LRP8: variants seen among roughly 807,000 people sequenced by gnomAD.
LRP8 encodes the protein LDL receptor related protein 8.
In LRP8, 46 loss-of-function variants were observed where a neutral mutation model predicts 111.6. That is an observed-to-expected ratio of 0.41 (90% CI 0.33 to 0.53). The LOEUF is 0.53. Among genes scored for constraint, LRP8 ranks in the 20% least tolerant of loss-of-function variants. The pLI, the probability that LRP8 is intolerant of heterozygous loss-of-function variation, is 0.20. For synonymous variants in LRP8, 464 were observed against 511.2 expected, an observed-to-expected ratio of 0.91 and a Z score of 1.24; for missense variants, 959 against 1,297.4, an observed-to-expected ratio of 0.74 and a Z score of 4.01.
Position 53,276,691 on chromosome 1 carries a change from C to G in LRP8, c.883+1G>C. 6.5e-7 allele frequency: 1 copy of G among 1,538,038 alleles called. No homozygotes were observed. Among genetic ancestry groups the G allele is most frequent in the Non-Finnish European group, 8.7e-7 (1 of 1,146,098 alleles). ...GGCTGGGCGGTATGGAGGGGGCTTA[C>G]GGCAGTCGGCCTCGTCCGATTTGTC... is the stretch of plus-strand genomic sequence containing the variant. On this transcript the variant is annotated splice_donor_variant, in intron 5 of 18. Transcript: ENST00000306052. LOFTEE classifies it high-confidence loss of function.
chr1:53,305,597 C>T (rs1290397191), intron 2 of LRP8, among the ~76,000 whole-genome samples: 4 of 152,240 alleles, frequency 2.6e-5, no homozygotes, highest in Admixed American at 1.3e-4. Context: ...TGGCAGCCAG[C>T]GGGGCTCACA....
rs1654003316 is a variant in LRP8, at chr1:53,317,811, T to C, written c.244+9062A>G. On this transcript the variant is annotated intron_variant, in intron 2 of 18. Coordinates refer to ENST00000306052, the MANE Select transcript of LRP8 (RefSeq NM_004631.5). This position sits in a 1 kb window ranked among gnomAD's most constrained non-coding sequence, Gnocchi z 4.9. The stretch of plus-strand genomic sequence containing the variant: ...CATCACTGCACTGCATCCGGCCCAA[T>C]TGTGAGTGCAGGAAGAAGGCAGAAG... 6.6e-6 allele frequency among the ~76,000 whole-genome samples: 1 copy of C among 152,066 alleles called. No homozygotes were observed. The highest frequency in any genetic ancestry group is 1.5e-5 in the Non-Finnish European group (1 of 68,012).
chr1:53,326,202 T>G (rs562407376), intron 2 of LRP8, among the ~76,000 whole-genome samples: 1 of 152,338 alleles, frequency 6.6e-6, no homozygotes, highest in African/African-American at 2.4e-5. Flanking sequence ...AGGTCTTCAC[T>G]GTGACTCGGC....
intron 2 of LRP8, among the ~76,000 whole-genome samples, chr1:53,301,188 C>T (rs1020995770): frequency 2.0e-5 from 3 of 152,084 alleles, no homozygotes; most frequent in East Asian, 1.9e-4. Flanking sequence ...TGAGAACCTT[C>T]GGCTCAGAGG....
chr1:53,320,498 G>A (rs1654372305), intron 2 of LRP8, among the ~76,000 whole-genome samples: 1 of 152,176 alleles, frequency 6.6e-6, no homozygotes, highest in Admixed American at 6.5e-5. Context: ...AGGCAGCCAG[G>A]CCCCGTGTTA....
intron 3 of LRP8, among the ~76,000 whole-genome samples, chr1:53,284,460 G>A (rs1647272037): frequency 6.6e-6 from 1 of 152,088 alleles, no homozygotes; most frequent in South Asian, 2.1e-4. Context: ...TATGACTAGA[G>A]CCTTGCCCTT....
intron 2 of LRP8, among the ~76,000 whole-genome samples, chr1:53,324,146 A>G (rs983204637): frequency 2.0e-5 from 3 of 152,216 alleles, no homozygotes; most frequent in African/African-American, 4.8e-5. Flanking sequence ...GAGACTGCTC[A>G]GGGAGGAGCA....
intron 3 of LRP8, among the ~76,000 whole-genome samples, chr1:53,284,645 C>T (rs1245857517): frequency 6.6e-6 from 1 of 152,218 alleles, no homozygotes; most frequent in African/African-American, 2.4e-5. Context: ...TAGTTAATTG[C>T]ATAACCTTTC....
chr1:53,328,035 C>A lies in LRP8; in HGVS notation c.-123G>T. 1 of 429,280 alleles carries A rather than the reference C, an allele frequency of 2.3e-6. No homozygotes were observed. Among genetic ancestry groups the A allele is most frequent in the Non-Finnish European group, 3.1e-6 (1 of 323,382 alleles). 26.6% of individuals were successfully genotyped at this position (429,280 alleles called of 1,614,324 possible). On this transcript the variant is annotated 5_prime_UTR_variant, in exon 1 of 19. Transcript: ENST00000306052. ...GCTGCCCCCGCCGCCGCCGCCGCCG[C>A]CGCTGCCGCCCGCCCCGGCTCCTCG...
intron 15 of LRP8, 30 bp from the exon 16 acceptor site, chr1:53,255,215 G>T: frequency 6.2e-7 from 1 of 1,602,456 alleles, no homozygotes; most frequent in South Asian, 1.1e-5. Context: ...GCAGAATGAT[G>T]CTCTATCACT....
intron 2 of LRP8, among the ~76,000 whole-genome samples, chr1:53,316,037 G>A (rs1454517081): frequency 6.6e-6 from 1 of 152,246 alleles, no homozygotes; most frequent in Non-Finnish European, 1.5e-5. Context: ...GGTTTGCTTG[G>A]TCCAATTCAG....
chr1:53,276,663 CG>C, intron 5 of LRP8, 28 bp downstream of exon 5: 1 of 1,487,112 alleles, frequency 6.7e-7, no homozygotes, highest in Middle Eastern at 1.8e-4. Context: ...AATCCCTGGG[CG>C]GGGCTGGGCG....
chr1:53,326,927 A>C lies in LRP8; in HGVS notation c.190T>G (p.Trp64Gly). 1 of 1,613,782 alleles carries C rather than the reference A, an allele frequency of 6.2e-7. No homozygotes were observed. The highest frequency in any genetic ancestry group is 8.5e-7 in the Non-Finnish European group (1 of 1,179,948). Residue 64 changes from tryptophan (W) to glycine (G), a missense_variant, in exon 2 of 19, where the codon TGG (tryptophan) becomes GGG (glycine). Around this residue, in one of 3 missense-constraint regions of LRP8, gnomAD observed 97 missense variants for 107.5 expected, o/e 0.90. Transcript: ENST00000306052. ...CRNERCIPSV[W>G]RCDEDDDCLD... ...CAGTCATCGTCCTCGTCGCATCTCC[A>C]CACAGAGGGGATGCAGCGCTCGTTC... is the stretch of plus-strand genomic sequence containing the variant.
In LRP8 at chr1:53,255,205, G is replaced by T; in HGVS notation, c.2435-20C>A. ...TTGCATCTGCAAAACACAAACATTTGCAGAATGATGCTCTATCACTGTGTG... is the reference window on the plus strand; with the variant it reads ...TTGCATCTGCAAAACACAAACATTTTCAGAATGATGCTCTATCACTGTGTG... On this transcript the variant is annotated intron_variant, in intron 15 of 18. Coordinates refer to ENST00000306052, the MANE Select transcript of LRP8 (RefSeq NM_004631.5). The T allele has an allele frequency of 6.2e-7, 1 of 1,609,762 alleles. No individual in the cohort carries two copies. Among genetic ancestry groups the T allele is most frequent in the East Asian group, 2.2e-5 (1 of 44,850 alleles).
chr1:53,256,340 C>G (rs1265405637), intron 15 of LRP8, among the ~76,000 whole-genome samples: 1 of 152,266 alleles, frequency 6.6e-6, no homozygotes, highest in Non-Finnish European at 1.5e-5. Context: ...CCTCCCTGCT[C>G]TGGGCCACAG....
intron 2 of LRP8, among the ~76,000 whole-genome samples, chr1:53,296,521 G>C (rs1649750985): frequency 6.6e-6 from 1 of 152,214 alleles, no homozygotes; most frequent in Admixed American, 6.5e-5. Context: ...CCCTTCGACA[G>C]AGCTCGCCAT....
At chr1:53,312,483 G>A (rs1653180516) in intron 2 of LRP8, among the ~76,000 whole-genome samples, 1 of 151,920 alleles carries the variant, frequency 6.6e-6, no homozygotes, top group South Asian at 2.1e-4. Flanking sequence ...TCCTGCTTCA[G>A]CCTCCCAAGT....
rs1645703124 is a variant in LRP8 at position 53,245,419 on chromosome 1, C to T, written c.*1599G>A. ...TGGGAAAGCCACTGGGGACTGAATC[C>T]TTCTGGGACTATAGGATTATGTTTC... On this transcript the variant is annotated 3_prime_UTR_variant, in exon 19 of 19. Coordinates refer to ENST00000306052, the MANE Select transcript of LRP8 (RefSeq NM_004631.5). 3 of 152,250 alleles carry T rather than the reference C, an allele frequency of 2.0e-5. No individual in the cohort carries two copies. The highest frequency in any genetic ancestry group is 4.1e-4 in the South Asian group (2 of 4,826). 9.4% of individuals were successfully genotyped at this position (152,250 alleles called of 1,614,324 possible).
At chr1:53,255,234 A>G in intron 15 of LRP8, 49 bp from the exon 16 acceptor site, 1 of 1,559,034 alleles carries the variant, frequency 6.4e-7, no homozygotes, top group South Asian at 1.1e-5. Flanking sequence ...CTGTGTGTCC[A>G]AGCCCCTACT....
Sources: allele counts gnomAD v4.1 joint callset (sites outside exome capture counted in the v4.1 genomes callset), GRCh38; gene constraint gnomAD v4.1.1; regional missense constraint gnomAD v4.1.1; non-coding constraint Gnocchi (gnomAD v3.1); transcripts MANE v1.5; gene names NCBI Gene and HGNC (gene_info 2026-07-23, HGNC 2026-07-21).